Variants in PDCD6 observed in about 807,000 individuals in gnomAD.
PDCD6 encodes the protein programmed cell death 6.
In PDCD6, 12 loss-of-function variants were observed where a neutral mutation model predicts 28.3. The ratio of observed to expected loss-of-function variants is 0.42; its 90% CI spans 0.27 to 0.69. The LOEUF is 0.69. PDCD6 is among the 30% of genes least tolerant of loss of function. The probability of loss-of-function intolerance (pLI) is 0.22; values close to 1 mark genes in which losing one functional copy is unlikely to be tolerated. For synonymous variants in PDCD6, 92 were observed against 108.0 expected (o/e 0.85, Z 0.92); for missense variants, 226 against 269.9 (o/e 0.84, Z 1.14).
rs755197615 is a variant in PDCD6 at position 311,397 on chromosome 5, CT to C, written c.473del (p.Leu158ArgfsTer4). 1 of 1,610,318 alleles carries C rather than the reference CT, an allele frequency of 6.2e-7. No individual in the cohort carries two copies. Among genetic ancestry groups the C allele is most frequent in the East Asian group, 2.2e-5 (1 of 44,866 alleles). On this transcript the variant is annotated frameshift_variant, in exon 5 of 6. Transcript: ENST00000264933. ...CGACTTCATCCAGGGCTGCATCGTC[CT>C]GCAGGTGACGGAATGGCTTCACGTG... ...FDDFIQGCIV[L>X]QRLTDIFRRY...
rs1740600084 is a variant in PDCD6 at position 307,490 on chromosome 5, T to C, written c.367+730T>C. 1.3e-5 allele frequency among the ~76,000 whole-genome samples: 2 copies of C among 152,000 alleles called. No homozygotes were observed. Among genetic ancestry groups the C allele is most frequent in the African/African-American group, 2.4e-5 (1 of 41,374 alleles). ...TGACGGTGTGCCGTGGGTCTAGGAG[T>C]GTTCACAGTGCCTGTCCAGAGTGCG... On this transcript the variant is annotated intron_variant, in intron 4 of 5. Transcript: ENST00000264933. This position sits in a 1 kb window ranked among gnomAD's most constrained non-coding sequence, Gnocchi z 6.1.
chr5:276,302 G>A, intron 2 of PDCD6: 1 of 1,113,904 alleles, frequency 9.0e-7, no homozygotes, highest in East Asian at 7.7e-5. Context: ...TCTCTGATAT[G>A]CACCTTTTTC....
intron 2 of PDCD6, among the ~76,000 whole-genome samples, chr5:288,353 C>T (rs1423931979): frequency 6.8e-6 from 1 of 147,704 alleles, no homozygotes; most frequent in African/African-American, 2.5e-5. Flanking sequence ...TGTACGTAGC[C>T]GGACAATAAA....
chr5:287,291 T>C (rs1421761046), intron 2 of PDCD6, among the ~76,000 whole-genome samples: 1 of 152,150 alleles, frequency 6.6e-6, no homozygotes, highest in African/African-American at 2.4e-5. Context: ...AGTCTGAAGT[T>C]CGTGGAGCTA....
intron 2 of PDCD6, among the ~76,000 whole-genome samples, chr5:288,569 A>T (rs921234121): frequency 7.3e-5 from 11 of 151,270 alleles, no homozygotes; most frequent in Non-Finnish European, 1.2e-4. Flanking sequence ...TTAAAAAAAA[A>T]AAATCTATAC....
rs547535107 is a variant in PDCD6, at chr5:278,225, C to G, written c.163+5453C>G. 8.5e-5 allele frequency among the ~76,000 whole-genome samples: 13 copies of G among 152,216 alleles called. No individual in the cohort carries two copies. In the South Asian group the frequency reaches 2.7e-3, roughly 32 times the overall value. ...TATAGCTTTCTCTTGTAGGATATTT[C>G]ATTTATTTATCTATTAAAAATATTT... On this transcript the variant is annotated intron_variant, in intron 2 of 5. Coordinates refer to ENST00000264933, the MANE Select transcript of PDCD6 (RefSeq NM_013232.4).
At chr5:291,308 C>T (rs539696280) in intron 2 of PDCD6, among the ~76,000 whole-genome samples, 18 of 152,318 alleles carry the variant, frequency 1.2e-4, no homozygotes, top group African/African-American at 3.9e-4. Context: ...AGTTCTCCTG[C>T]GTGGCTGCTC....
Position 271,778 on chromosome 5 carries a change from G to T in PDCD6, c.58G>T (p.Ala20Ser). 1.3e-6 allele frequency: 2 copies of T among 1,486,766 alleles called. No homozygotes were observed. Among genetic ancestry groups the T allele is most frequent in the Non-Finnish European group, 1.8e-6 (2 of 1,124,626 alleles). 92.1% of individuals were successfully genotyped at this position (1,486,766 alleles called of 1,614,324 possible). A position where few individuals can be genotyped will look rare whatever the true frequency, so the allele number is the denominator to read the frequency against. The stretch of plus-strand genomic sequence containing the variant: ...GGCCGGCCCTGGGCCTGCTGCAGGC[G>T]CGGCGCTGCCGGACCAGAGCTTCCT... ...PGAGPGPAAG[A>S]ALPDQSFLWN... is the part of the protein sequence containing the mutation. The change falls in exon 1 of 6, where the codon GCG becomes TCG. Residue 20 changes from alanine to serine, a missense_variant. Coordinates refer to ENST00000264933, the MANE Select transcript of PDCD6 (RefSeq NM_013232.4).
In PDCD6 at chr5:272,875, A is replaced by G; in HGVS notation, c.163+103A>G. ...AAGTTGTTTTTCCAAGGACAAAGGAATCATTAGGACAAATTGTTATTACTG... is the reference window on the plus strand; with the variant it reads ...AAGTTGTTTTTCCAAGGACAAAGGAGTCATTAGGACAAATTGTTATTACTG... On this transcript the variant is annotated intron_variant, in intron 2 of 5. Coordinates refer to ENST00000264933, the MANE Select transcript of PDCD6 (RefSeq NM_013232.4). The G allele has an allele frequency of 6.8e-6, 10 of 1,471,084 alleles. No homozygotes were observed. In the East Asian group the frequency reaches 2.3e-4, roughly 34 times the overall value. 91.1% of individuals were successfully genotyped at this position (1,471,084 alleles called of 1,614,324 possible). A position where few individuals can be genotyped will look rare whatever the true frequency, so the allele number is the denominator to read the frequency against.
rs762992222 is a variant in PDCD6 at position 314,532 on chromosome 5, A to G, written c.*17A>G. On this transcript the variant is annotated 3_prime_UTR_variant, in exon 6 of 6. Transcript: ENST00000264933. The stretch of plus-strand genomic sequence containing the variant: ...ATCGTATGACCCTGGCCTCTCGTGA[A>G]GAGCAGCACAACATGGAAAGAGCCA... 6.4e-7 allele frequency: 1 copy of G among 1,568,558 alleles called. No individual in the cohort carries two copies. Among genetic ancestry groups the G allele is most frequent in the East Asian group, 2.2e-5 (1 of 44,676 alleles).
chr5:309,971 A>ACCAGTGATGGCCGCCGTCCCCGTGCACC (rs1560864228), intron 4 of PDCD6: 3 of 67,470 alleles, frequency 4.4e-5, no homozygotes, highest in African/African-American at 1.2e-4. Flanking sequence ...CCCCGTGCAC[A>ACCAGTGATGGCCGCCGTCCCCGTGCACC]CCAGTGATGG....
chr5:304,826 GGGTCT>G (rs1185995261), intron 3 of PDCD6: 1 of 152,068 alleles, frequency 6.6e-6, no homozygotes, highest in African/African-American at 2.4e-5. Flanking sequence ...TTTGGGTCCA[GGGTCT>G]CCCCAGCTGT....
intron 2 of PDCD6, chr5:290,287 T>C (rs1739237308): frequency 7.0e-7 from 1 of 1,420,370 alleles, no homozygotes; most frequent in Admixed American, 1.7e-5. Flanking sequence ...CTTCTCAAAA[T>C]CTTTCAGCGC....
chr5:313,335 A>G (rs1251272248), intron 5 of PDCD6, among the ~76,000 whole-genome samples: 2 of 152,398 alleles, frequency 1.3e-5, no homozygotes, highest in East Asian at 3.9e-4. Flanking sequence ...CAAAGTATTC[A>G]AAATAGAAAG....
intron 3 of PDCD6, 92 bp from the exon 4 acceptor site, chr5:306,510 G>T: frequency 7.1e-7 from 1 of 1,414,230 alleles, no homozygotes; most frequent in Non-Finnish European, 9.9e-7. Context: ...GTGGGGCCCC[G>T]CCAGGCTCTG....
At chr5:289,126 G>A in intron 2 of PDCD6, 3 of 1,153,958 alleles carry the variant, frequency 2.6e-6, no homozygotes, top group Non-Finnish European at 2.5e-6. Context: ...TTTCTTTCCG[G>A]GATCATTTCT....
intron 2 of PDCD6, among the ~76,000 whole-genome samples, chr5:297,147 C>T (rs1007217795): frequency 1.3e-5 from 2 of 152,048 alleles, no homozygotes; most frequent in Non-Finnish European, 2.9e-5. Flanking sequence ...ACAGCTTCTC[C>T]CCACGCATCC....
At chr5:286,760 ATGT>A (rs1482047114) in intron 2 of PDCD6, among the ~76,000 whole-genome samples, 5 of 151,636 alleles carry the variant, frequency 3.3e-5, no homozygotes, top group Admixed American at 2.0e-4. Context: ...GGAGGAGCTG[ATGT>A]TGTTCTAGTT....
chr5:296,794 C>T (rs1257835953), intron 2 of PDCD6, among the ~76,000 whole-genome samples: 1 of 152,036 alleles, frequency 6.6e-6, no homozygotes, highest in African/African-American at 2.4e-5. Context: ...CCGTCGAGGC[C>T]CCTCTTTGCT....
Sources: allele counts gnomAD v4.1 joint callset (sites outside exome capture counted in the v4.1 genomes callset), GRCh38; gene constraint gnomAD v4.1.1; non-coding constraint Gnocchi (gnomAD v3.1); transcripts MANE v1.5; gene names NCBI Gene and HGNC (gene_info 2026-07-23, HGNC 2026-07-21).